NAP1L1: variants seen among roughly 807,000 people sequenced by gnomAD.
The protein encoded by NAP1L1 is nucleosome assembly protein 1-like 1.
A neutral mutation model predicts 58.9 loss-of-function variants in NAP1L1; 9 were observed. The ratio of observed to expected loss-of-function variants is 0.15; its 90% CI spans 0.09 to 0.27. The LOEUF is 0.27. Among genes scored for constraint, NAP1L1 ranks in the 10% least tolerant of loss-of-function variants. The pLI is 1.00. For synonymous variants in NAP1L1, 130 were observed against 138.3 expected (o/e 0.94, Z 0.42); for missense variants, 302 against 458.8 (o/e 0.66, Z 3.12).
intron 1 of NAP1L1, among the ~76,000 whole-genome samples, chr12:76,082,091 G>A (rs1950427775): frequency 6.6e-6 from 1 of 152,134 alleles, no homozygotes; most frequent in Non-Finnish European, 1.5e-5. Context: ...TGAATACACT[G>A]ATCATTAATA....
chr12:76,063,796 A>C (rs1478580004), intron 4 of NAP1L1, among the ~76,000 whole-genome samples: 1 of 152,058 alleles, frequency 6.6e-6, no homozygotes, highest in East Asian at 1.9e-4. Context: ...CACTGTATCC[A>C]AAAAATAAAA....
At chr12:76,057,952 G>A (rs1256181173) in intron 6 of NAP1L1, 1 of 1,019,714 alleles carries the variant, frequency 9.8e-7, no homozygotes, top group African/African-American at 1.6e-5. Context: ...TTTTGAAATT[G>A]ATCTTAAATC....
intron 1 of NAP1L1, among the ~76,000 whole-genome samples, chr12:76,083,426 T>C (rs1337584363): frequency 6.7e-6 from 1 of 148,230 alleles, no homozygotes; most frequent in African/African-American, 2.5e-5. Flanking sequence ...TAGAACTGTC[T>C]TGGGCCACAC....
chr12:76,052,341 ATACT>A (rs1488403586), intron 11 of NAP1L1, among the ~76,000 whole-genome samples: 1 of 152,136 alleles, frequency 6.6e-6, no homozygotes, highest in Non-Finnish European at 1.5e-5. Flanking sequence ...CTCTATCTTA[ATACT>A]TAAAGTAGTT....
At chr12:76,068,694 G>A in intron 3 of NAP1L1, 1 of 437,112 alleles carries the variant, frequency 2.3e-6, no homozygotes, top group Non-Finnish European at 4.0e-6. Context: ...TGCAAACAAT[G>A]ACTTCTAATT....
chr12:76,070,282 C>G (rs1949893796), intron 2 of NAP1L1, among the ~76,000 whole-genome samples: 1 of 152,116 alleles, frequency 6.6e-6, no homozygotes, highest in South Asian at 2.1e-4. Flanking sequence ...GCCACTGCAC[C>G]TGGCTAATTT....
At chr12:76,078,683 C>T (rs898597983) in intron 1 of NAP1L1, among the ~76,000 whole-genome samples, 3 of 152,088 alleles carry the variant, frequency 2.0e-5, no homozygotes, top group East Asian at 3.8e-4. Context: ...ACTAAATGGG[C>T]TGGCTTAAGA....
intron 11 of NAP1L1, among the ~76,000 whole-genome samples, 157 bp from the exon 12 acceptor site, chr12:76,050,810 T>A (rs1243911158): frequency 1.3e-5 from 2 of 151,998 alleles, no homozygotes; most frequent in Non-Finnish European, 2.9e-5. Flanking sequence ...GCCCAGAAGT[T>A]CAAGAGCAAC....
chr12:76,075,540 T>G (rs1031238161), intron 1 of NAP1L1, among the ~76,000 whole-genome samples: 4 of 152,162 alleles, frequency 2.6e-5, no homozygotes, highest in African/African-American at 7.2e-5. Context: ...ATAAAGAAAA[T>G]TATTCTTCCT....
intron 4 of NAP1L1, among the ~76,000 whole-genome samples, chr12:76,065,946 TAA>T (rs1182259634): frequency 6.7e-6 from 1 of 149,538 alleles, no homozygotes; most frequent in Admixed American, 6.7e-5. Context: ...CAATAAAACA[TAA>T]GAGTGCTGCT....
intron 4 of NAP1L1, among the ~76,000 whole-genome samples, chr12:76,063,881 T>A (rs545020297): frequency 0.024 from 3,247 of 137,396 alleles, 125 homozygotes; most frequent in African/African-American, 0.086. Flanking sequence ...GTTAAAAGTT[T>A]AAAAAAAAAA....
chr12:76,041,887 G>C lies in NAP1L1; in HGVS notation c.*6542C>G, dbSNP rs1948554587. ...ACAATTTGGGTATTCTGAAGCATGA[G>C]AAATCCAAATATATAGCGATACCTC... On this transcript the variant is annotated 3_prime_UTR_variant, in exon 15 of 15. Transcript: ENST00000618691. 1 of 152,142 alleles carries C rather than the reference G, an allele frequency of 6.6e-6. No individual in the cohort carries two copies. Among genetic ancestry groups the C allele is most frequent in the African/African-American group, 2.4e-5 (1 of 41,424 alleles). The allele number at this position is 152,142 out of a possible 1,614,324, so 9.4% of individuals were successfully genotyped here. A position where few individuals can be genotyped will look rare whatever the true frequency, so the allele number is the denominator to read the frequency against.
Position 76,039,617 on chromosome 12 carries a change from C to T in NAP1L1, c.*8812G>A, listed in dbSNP as rs1948531639. 6.6e-6 allele frequency: 1 copy of T among 152,130 alleles called. No individual in the cohort carries two copies. Among genetic ancestry groups the T allele is most frequent in the Non-Finnish European group, 1.5e-5 (1 of 68,012 alleles). 9.4% of individuals were successfully genotyped at this position (152,130 alleles called of 1,614,324 possible). On this transcript the variant is annotated 3_prime_UTR_variant, in exon 15 of 15. Transcript: ENST00000618691. ...AATATTTCATCTCTGAAAGCTCTAGCCTAAAGAACATGCTTATTTAACCAC... is the reference window on the plus strand; with the variant it reads ...AATATTTCATCTCTGAAAGCTCTAGTCTAAAGAACATGCTTATTTAACCAC...
At chr12:76,060,826 C>T (rs117152628) in intron 4 of NAP1L1, among the ~76,000 whole-genome samples, 3,268 of 152,294 alleles carry the variant, frequency 0.021, 55 homozygotes, top group Non-Finnish European at 0.032. Flanking sequence ...GGTGCTATGG[C>T]TCACAACTGT....
intron 1 of NAP1L1, among the ~76,000 whole-genome samples, chr12:76,078,219 GT>G (rs1252056582): frequency 6.6e-6 from 1 of 151,910 alleles, no homozygotes; most frequent in Non-Finnish European, 1.5e-5. Flanking sequence ...CCTGTCCACG[GT>G]GGCTATCTTT....
rs1291133609 is a variant in NAP1L1 at position 76,046,282 on chromosome 12, C to T, written c.*2147G>A. 1 of 152,262 alleles carries T rather than the reference C, an allele frequency of 6.6e-6. No homozygotes were observed. Among genetic ancestry groups the T allele is most frequent in the Non-Finnish European group, 1.5e-5 (1 of 67,866 alleles). The allele number at this position is 152,262 out of a possible 1,614,324, so 9.4% of individuals were successfully genotyped here. ...ACTGGAAAAATGGCATAAACACTGA[C>T]GTCCCTTAAAACTTCAATTTTATAA... On this transcript the variant is annotated 3_prime_UTR_variant, in exon 15 of 15. Transcript: ENST00000618691.
intron 3 of NAP1L1, 36 bp from the exon 4 acceptor site, chr12:76,067,509 A>G (rs373078741): frequency 5.0e-5 from 76 of 1,508,480 alleles, no homozygotes; most frequent in Non-Finnish European, 6.7e-5. Flanking sequence ...GAAGGATTTT[A>G]TGAAAATGTA....
At chr12:76,074,086 G>C (rs1359255707) in intron 2 of NAP1L1, 117 bp downstream of exon 2, 2 of 851,034 alleles carry the variant, frequency 2.4e-6, no homozygotes, top group Admixed American at 4.5e-5. Flanking sequence ...TGTAAAAGTA[G>C]GTACTAAGCA....
chr12:76,076,489 A>AT (rs1950172170), intron 1 of NAP1L1, among the ~76,000 whole-genome samples: 1 of 149,136 alleles, frequency 6.7e-6, no homozygotes, highest in Non-Finnish European at 1.5e-5. Flanking sequence ...ATCTGAGTTG[A>AT]TATGAAGGAA....
Sources: allele counts gnomAD v4.1 joint callset (sites outside exome capture counted in the v4.1 genomes callset), GRCh38; gene constraint gnomAD v4.1.1; transcripts MANE v1.5; gene names NCBI Gene and HGNC (gene_info 2026-07-23, HGNC 2026-07-21).